MED12L: variants seen among roughly 807,000 people sequenced by gnomAD.
MED12L encodes mediator of RNA polymerase II transcription subunit 12-like protein.
Under a neutral mutation model 281.3 loss-of-function variants are expected in MED12L, and 60 were observed. The ratio of observed to expected loss-of-function variants is 0.21; its 90% CI spans 0.17 to 0.26. The LOEUF (loss-of-function observed/expected upper bound fraction) is 0.26. MED12L is among the 10% of genes least tolerant of loss of function. The pLI, the probability that MED12L is intolerant of heterozygous loss-of-function variation, is 1.00. For synonymous variants in MED12L, 974 were observed against 987.2 expected (o/e 0.99, Z 0.25); for missense variants, 2,146 against 2,680.9 (o/e 0.80, Z 4.41).
rs541848164 is a variant in MED12L, at chr3:151,175,914, A to G, written c.1495-9416A>G. 5.9e-5 allele frequency among the ~76,000 whole-genome samples: 9 copies of G among 152,350 alleles called. No homozygotes were observed. In the East Asian group the frequency reaches 1.5e-3, roughly 26 times the overall value. On this transcript the variant is annotated intron_variant, in intron 11 of 44. Coordinates refer to ENST00000687756, the MANE Select transcript of MED12L (RefSeq NM_001393769.1). ...GCCACTGTAGATATGCCCCAAGTTC[A>G]TGAGACCAGATAAACAATGCTGTTA...
At chr3:151,327,800 T>C in intron 16 of MED12L, 1 of 424,122 alleles carries the variant, frequency 2.4e-6, no homozygotes, top group East Asian at 3.5e-5. Context: ...TGTTGCATTC[T>C]CTTAGTAATG....
At chr3:151,307,330 G>A (rs1169186989) in intron 16 of MED12L, among the ~76,000 whole-genome samples, 1 of 152,182 alleles carries the variant, frequency 6.6e-6, no homozygotes, top group East Asian at 1.9e-4. Context: ...TGTATTCATA[G>A]CACATTTCAT....
chr3:151,284,155 G>A (rs1031816043), intron 16 of MED12L, among the ~76,000 whole-genome samples: 2 of 152,188 alleles, frequency 1.3e-5, no homozygotes, highest in African/African-American at 4.8e-5. Context: ...ATCCTGCCAC[G>A]ATGTGTGGGA....
intron 2 of MED12L, among the ~76,000 whole-genome samples, chr3:151,096,228 C>G (rs913682977): frequency 6.6e-6 from 1 of 152,176 alleles, no homozygotes; most frequent in Admixed American, 6.5e-5. Context: ...TCTCCTTGGA[C>G]TTCTTGTTAA....
Position 151,297,777 on chromosome 3 carries a change from A to T in MED12L, c.2251-52282A>T, listed in dbSNP as rs113651035. On this transcript the variant is annotated intron_variant, in intron 16 of 44. Transcript: ENST00000687756. Reference sequence around the variant, plus strand: ...GAACACATTCTTATTAAATGATGATATTGATGATGATTTTGCCTAACAATT... The same window carrying T: ...GAACACATTCTTATTAAATGATGATTTTGATGATGATTTTGCCTAACAATT... Among the ~76,000 whole-genome samples, 991 of 152,178 alleles carry T rather than the reference A, an allele frequency of 6.5e-3. 8 individuals carry two copies. Among genetic ancestry groups the T allele is most frequent in the South Asian group, 0.015 (72 of 4,828 alleles).
chr3:151,303,028 A>G (rs1266817188), intron 16 of MED12L, among the ~76,000 whole-genome samples: 1 of 152,166 alleles, frequency 6.6e-6, no homozygotes, highest in Non-Finnish European at 1.5e-5. Context: ...CCAAGGTCCA[A>G]TCAGAAAGGA....
intron 5 of MED12L, among the ~76,000 whole-genome samples, chr3:151,129,067 T>C (rs1197028777): frequency 2.0e-5 from 3 of 152,216 alleles, no homozygotes; most frequent in East Asian, 1.9e-4. Flanking sequence ...CATTTAGAGA[T>C]TGGGTTTATA....
In MED12L at chr3:151,367,665, A is replaced by G; in HGVS notation, c.3347A>G (p.His1116Arg). Residue 1116 changes from histidine (H) to arginine (R), a missense_variant, in exon 24 of 45, where the codon CAT (histidine) becomes CGT (arginine). This residue lies in a region of MED12L where 404 missense variants were observed against 603.5 expected (regional missense o/e 0.67). Coordinates refer to ENST00000687756, the MANE Select transcript of MED12L (RefSeq NM_001393769.1). ...TTGAAGGTGAGTGACCTTTCATTCC[A>G]TGATTCATTAGCTACTTTCATTGCT... is the stretch of plus-strand genomic sequence containing the variant. Reference protein sequence around the residue: ...CTVDVSDLSFHDSLATFIAIL... With the variant: ...CTVDVSDLSFRDSLATFIAIL... 6.2e-7 allele frequency: 1 copy of G among 1,607,672 alleles called. No individual in the cohort carries two copies. Among genetic ancestry groups the G allele is most frequent in the Non-Finnish European group, 8.5e-7 (1 of 1,176,100 alleles).
At chr3:151,328,953 G>T in intron 16 of MED12L, 1 of 1,613,210 alleles carries the variant, frequency 6.2e-7, no homozygotes, top group Non-Finnish European at 8.5e-7. Context: ...CTGGGGCACC[G>T]CTCAGATCTG....
chr3:151,185,883 G>A (rs1263211595), intron 12 of MED12L, among the ~76,000 whole-genome samples: 1 of 152,052 alleles, frequency 6.6e-6, no homozygotes, highest in Non-Finnish European at 1.5e-5. Flanking sequence ...TACAATTTTA[G>A]CATCTGATTT....
At chr3:151,320,313 G>A (rs1197668949) in intron 16 of MED12L, among the ~76,000 whole-genome samples, 1 of 152,142 alleles carries the variant, frequency 6.6e-6, no homozygotes, top group African/African-American at 2.4e-5. Flanking sequence ...AAGACAAGCA[G>A]GGATCTAATT....
intron 16 of MED12L, among the ~76,000 whole-genome samples, chr3:151,233,053 A>C (rs897117197): frequency 1.3e-5 from 2 of 152,180 alleles, no homozygotes; most frequent in African/African-American, 2.4e-5. Context: ...AAAAACACCA[A>C]CATTGTCCCT....
chr3:151,295,051 C>T, intron 16 of MED12L: 1 of 1,613,874 alleles, frequency 6.2e-7, no homozygotes, highest in Non-Finnish European at 8.5e-7. Context: ...GGAAGAAGAT[C>T]CACACTGCTA....
chr3:151,386,755 T>C (rs1236283115), intron 36 of MED12L, among the ~76,000 whole-genome samples: 1 of 152,110 alleles, frequency 6.6e-6, no homozygotes, highest in East Asian at 1.9e-4. Context: ...TTTGTATTTT[T>C]AGTGGAGACG....
At chr3:151,299,969 T>C (rs1315793813) in intron 16 of MED12L, 1 of 815,994 alleles carries the variant, frequency 1.2e-6, no homozygotes, top group Non-Finnish European at 2.2e-6. Flanking sequence ...ATTTTGTTAG[T>C]TGGTTCTCTG....
At chr3:151,161,634 C>T (rs1240142450) in intron 8 of MED12L, among the ~76,000 whole-genome samples, 3 of 152,168 alleles carry the variant, frequency 2.0e-5, no homozygotes, top group African/African-American at 7.2e-5. Context: ...TTCTAAGTTG[C>T]AACGTATGTT....
At chr3:151,133,908 G>A (rs557144824) in intron 5 of MED12L, among the ~76,000 whole-genome samples, 6 of 152,230 alleles carry the variant, frequency 3.9e-5, no homozygotes, top group Non-Finnish European at 5.9e-5. Flanking sequence ...AGTAAATAAC[G>A]GAATTTTGTA....
intron 2 of MED12L, among the ~76,000 whole-genome samples, chr3:151,088,456 G>A (rs1320471954): frequency 6.6e-6 from 1 of 152,150 alleles, no homozygotes; most frequent in Non-Finnish European, 1.5e-5. Flanking sequence ...TTATTGGGAG[G>A]AAATTCTTAA....
intron 16 of MED12L, among the ~76,000 whole-genome samples, chr3:151,319,378 T>C (rs1748699272): frequency 6.6e-6 from 1 of 152,040 alleles, no homozygotes; most frequent in Non-Finnish European, 1.5e-5. Context: ...TCCTGTTAAA[T>C]GCAGGGCACT....
Sources: allele counts gnomAD v4.1 joint callset (sites outside exome capture counted in the v4.1 genomes callset), GRCh38; gene constraint gnomAD v4.1.1; regional missense constraint gnomAD v4.1.1; transcripts MANE v1.5; gene names NCBI Gene and HGNC (gene_info 2026-07-23, HGNC 2026-07-21).